The following ZNF280C variants were observed in gnomAD, a reference collection of about 807,000 sequenced individuals.
The protein encoded by ZNF280C is zinc finger protein 280C.
A neutral mutation model predicts 53.6 loss-of-function variants in ZNF280C; 14 were observed. The observed-to-expected ratio is 0.26, with a 90% CI of 0.17 to 0.41. The LOEUF is 0.41. ZNF280C is among the 10% of genes least tolerant of loss of function. The pLI is 1.00. For synonymous variants in ZNF280C, 203 were observed against 181.1 expected (o/e 1.12, Z -0.97); for missense variants, 416 against 547.1 (o/e 0.76, Z 2.39).
chrX:130,245,974 AG>A (rs1191016529), intron 3 of ZNF280C, among the ~76,000 whole-genome samples: 6 of 110,536 alleles, frequency 5.4e-5, no homozygotes, highest in Non-Finnish European at 1.1e-4. Flanking sequence ...TATAGTAGAG[AG>A]GGGGTTTCAC....
intron 8 of ZNF280C, among the ~76,000 whole-genome samples, chrX:130,235,256 G>C (rs1410560736): frequency 8.9e-6 from 1 of 112,570 alleles, no homozygotes; most frequent in Non-Finnish European, 1.9e-5. Flanking sequence ...GCTCACACCT[G>C]TAATCCCGGC....
chrX:130,216,136 A>C, intron 13 of ZNF280C, 35 bp from the exon 14 acceptor site: 1 of 1,084,260 alleles, frequency 9.2e-7, no homozygotes, highest in Non-Finnish European at 1.2e-6. Flanking sequence ...TTTTTAGAAA[A>C]GTAACCATCG....
At chrX:130,205,502 C>A in intron 16 of ZNF280C, 87 bp from the exon 17 acceptor site, 1 of 610,673 alleles carries the variant, frequency 1.6e-6, no homozygotes, top group Non-Finnish European at 2.5e-6. Flanking sequence ...CATGTACTAA[C>A]TTGATTTGCA....
chrX:130,227,677 T>A lies in ZNF280C; in HGVS notation c.1248+5A>T, dbSNP rs774170341. The stretch of plus-strand genomic sequence containing the variant: ...ACTTAACTACACAATAAAATGTGTG[T>A]GTACCTGGCAAACATATGGCATTTC... On this transcript the variant is annotated splice_donor_5th_base_variant and intron_variant, in intron 11 of 18. Transcript: ENST00000370978. 55 of 1,147,692 alleles carry A rather than the reference T, an allele frequency of 4.8e-5. No individual in the cohort carries two copies. Among genetic ancestry groups the A allele is most frequent in the Non-Finnish European group, 6.6e-5 (55 of 837,908 alleles). 94.6% of individuals were successfully genotyped at this position (1,147,692 alleles called of 1,213,427 possible). A position where few individuals can be genotyped will look rare whatever the true frequency, so the allele number is the denominator to read the frequency against.
intron 12 of ZNF280C, among the ~76,000 whole-genome samples, chrX:130,220,701 ATAAT>A (rs1201463674): frequency 1.8e-5 from 2 of 111,584 alleles, no homozygotes; most frequent in African/African-American, 6.5e-5. Flanking sequence ...TAAAAAGTAT[ATAAT>A]TAGATTTTAA....
At chrX:130,237,534 C>A (rs1294466781) in intron 6 of ZNF280C, among the ~76,000 whole-genome samples, 1 of 110,961 alleles carries the variant, frequency 9.0e-6, no homozygotes, top group Non-Finnish European at 1.9e-5. Flanking sequence ...ATAACCAGAC[C>A]CAGCAAAAGT....
chrX:130,255,439 C>T (rs1255415621), intron 2 of ZNF280C, among the ~76,000 whole-genome samples: 9 of 103,089 alleles, frequency 8.7e-5, no homozygotes, highest in African/African-American at 1.4e-4. Flanking sequence ...CGCGCCCGGC[C>T]GAAAAATCAT....
At chrX:130,248,186 A>G (rs2032469800) in intron 2 of ZNF280C, among the ~76,000 whole-genome samples, 1 of 98,880 alleles carries the variant, frequency 1.0e-5, no homozygotes, top group Admixed American at 1.1e-4. Flanking sequence ...CACTCTTAAC[A>G]CATCTTCAAA....
chrX:130,211,639 T>G (rs1296624769), intron 15 of ZNF280C, among the ~76,000 whole-genome samples: 2 of 110,642 alleles, frequency 1.8e-5, no homozygotes, highest in Non-Finnish European at 3.8e-5. Flanking sequence ...CTCAGAAGAG[T>G]AGAAGTGGAA....
chrX:130,236,647 G>A lies in ZNF280C; in HGVS notation c.494-8C>T. 1 of 1,085,831 alleles carries A rather than the reference G, an allele frequency of 9.2e-7. No homozygotes were observed. Among genetic ancestry groups the A allele is most frequent in the Middle Eastern group, 2.6e-4 (1 of 3,843 alleles). 89.5% of individuals were successfully genotyped at this position (1,085,831 alleles called of 1,213,427 possible). ...ATGAAGTATTTTTCATACCTACAAA[G>A]ATTTAAATAGTGAGAAAGATATTTG... On this transcript the variant is annotated splice_polypyrimidine_tract_variant and splice_region_variant and intron_variant, in intron 6 of 18. Transcript: ENST00000370978.
intron 1 of ZNF280C, among the ~76,000 whole-genome samples, chrX:130,264,162 C>T (rs1251895090): frequency 3.6e-5 from 4 of 110,881 alleles, no homozygotes; most frequent in Admixed American, 1.9e-4. Context: ...CAAAGCTGTA[C>T]GATTCTGGAG....
intron 10 of ZNF280C, among the ~76,000 whole-genome samples, chrX:130,228,298 T>A (rs1166384380): frequency 8.9e-6 from 1 of 112,063 alleles, no homozygotes; most frequent in African/African-American, 3.2e-5. Flanking sequence ...ATTTTATTTT[T>A]TTGAGATGGA....
At chrX:130,228,626 T>C (rs1329311091) in intron 10 of ZNF280C, among the ~76,000 whole-genome samples, 2 of 90,260 alleles carry the variant, frequency 2.2e-5, no homozygotes, top group Non-Finnish European at 4.3e-5. Context: ...ACTTTTTTTT[T>C]TTTTTTTTTT....
chrX:130,261,543 T>C (rs1005858378), intron 1 of ZNF280C, among the ~76,000 whole-genome samples: 1 of 112,115 alleles, frequency 8.9e-6, no homozygotes, highest in Non-Finnish European at 1.9e-5. Context: ...CTTGTATAAA[T>C]GTTTGGATTT....
At chrX:130,216,501 T>C (rs760431301) in intron 13 of ZNF280C, among the ~76,000 whole-genome samples, 2 of 112,015 alleles carry the variant, frequency 1.8e-5, no homozygotes, top group Admixed American at 9.5e-5. Flanking sequence ...AAAGAAGATA[T>C]ACAAACGGCC....
chrX:130,232,026 CAA>C (rs758028690), intron 8 of ZNF280C, among the ~76,000 whole-genome samples: 5 of 53,875 alleles, frequency 9.3e-5, no homozygotes, highest in Admixed American at 2.3e-4. Flanking sequence ...GACTCCGTCT[CAA>C]AAAAAAAAAA....
At chrX:130,222,780 T>C (rs1421103500) in intron 12 of ZNF280C, among the ~76,000 whole-genome samples, 2 of 111,550 alleles carry the variant, frequency 1.8e-5, no homozygotes, top group African/African-American at 6.5e-5. Context: ...TTCTCCTGCC[T>C]CAGCCTCCCA....
At chrX:130,246,597 A>G (rs1164464881) in intron 3 of ZNF280C, among the ~76,000 whole-genome samples, 1 of 112,155 alleles carries the variant, frequency 8.9e-6, no homozygotes, top group African/African-American at 3.2e-5. Flanking sequence ...AAGGCTTACA[A>G]TGCTGTTCAG....
intron 6 of ZNF280C, among the ~76,000 whole-genome samples, chrX:130,239,102 A>T (rs774305230): frequency 8.9e-6 from 1 of 111,849 alleles, no homozygotes; most frequent in East Asian, 2.8e-4. Context: ...CTGTTTCTTT[A>T]GTTCGTTCAT....
Sources: allele counts gnomAD v4.1 joint callset (sites outside exome capture counted in the v4.1 genomes callset), GRCh38; gene constraint gnomAD v4.1.1; transcripts MANE v1.5; gene names NCBI Gene and HGNC (gene_info 2026-07-23, HGNC 2026-07-21).